The following PCDHA1 variants were observed in gnomAD, a reference collection of about 807,000 sequenced individuals.
The protein encoded by PCDHA1 is protocadherin alpha-1.
A neutral mutation model predicts 61.3 loss-of-function variants in PCDHA1; 42 were observed. The observed-to-expected ratio is 0.69, with a 90% CI of 0.54 to 0.89. PCDHA1 has a LOEUF of 0.89. PCDHA1 is among the 40% of genes least tolerant of loss of function. The pLI is 0.00. For synonymous variants in PCDHA1, 610 were observed against 553.8 expected, an observed-to-expected ratio of 1.10 and a Z score of -1.43; for missense variants, 1,256 against 1,235.3, an observed-to-expected ratio of 1.02 and a Z score of -0.25.
At chr5:140,907,857 G>C (rs1554193158) in intron 1 of PCDHA1, among the ~76,000 whole-genome samples, 1 of 152,210 alleles carries the variant, frequency 6.6e-6, no homozygotes, top group Non-Finnish European at 1.5e-5. Flanking sequence ...CTCTGCTGAG[G>C]CCAGCCGTTG....
chr5:140,957,717 A>G (rs2095377934), intron 1 of PCDHA1, among the ~76,000 whole-genome samples: 1 of 152,166 alleles, frequency 6.6e-6, no homozygotes, highest in African/African-American at 2.4e-5. Context: ...TTATTAAGAA[A>G]GAAGCAGAAT....
At chr5:140,871,833 T>G (rs2053334975) in intron 1 of PCDHA1, among the ~76,000 whole-genome samples, 1 of 152,282 alleles carries the variant, frequency 6.6e-6, no homozygotes, top group African/African-American at 2.4e-5. Flanking sequence ...CCTTCATCTC[T>G]AAACTTCAAT....
chr5:140,967,508 C>G (rs2096150874), intron 1 of PCDHA1: 2 of 1,612,712 alleles, frequency 1.2e-6, no homozygotes, highest in Non-Finnish European at 1.7e-6. Flanking sequence ...TGTGCGTGTC[C>G]TGGACACTAA....
At position 140,900,792 on chromosome 5, in the gene PCDHA1, C is replaced by T. The variant is rs373914544; in HGVS notation, c.2395-78157C>T. On this transcript the variant is annotated intron_variant, in intron 1 of 3. Transcript: ENST00000504120. ...CTTTTTGAGGAAACTCCAAACTGTT[C>T]TCCATAGTGCTTGTACTAATTTACA... 1.1e-4 allele frequency among the ~76,000 whole-genome samples: 16 copies of T among 152,298 alleles called. No individual in the cohort carries two copies. The South Asian group carries it at 1.5e-3, about 14-fold the overall frequency.
rs2150256971 is a variant in PCDHA1, at chr5:140,836,289, G to A, written c.2394+47605G>A. 8.7e-6 allele frequency: 14 copies of A among 1,613,792 alleles called. No homozygotes were observed. The South Asian group carries it at 1.5e-4, about 18-fold the overall frequency. Reference sequence around the variant, plus strand: ...CACTGGTGAGATCAGCACGACACGAGCCCTAGATGAGACGGACGCACCGCG... The same window carrying A: ...CACTGGTGAGATCAGCACGACACGAACCCTAGATGAGACGGACGCACCGCG... On this transcript the variant is annotated intron_variant, in intron 1 of 3. Coordinates refer to ENST00000504120, the MANE Select transcript of PCDHA1 (RefSeq NM_018900.4).
At chr5:140,924,725 C>G (rs1015635507) in intron 1 of PCDHA1, among the ~76,000 whole-genome samples, 1 of 151,698 alleles carries the variant, frequency 6.6e-6, no homozygotes, top group East Asian at 1.9e-4. Context: ...CGAAACCTCA[C>G]CTCTAATAAA....
At position 140,887,996 on chromosome 5, in the gene PCDHA1, AAT is replaced by A. The variant is rs1258672316; in HGVS notation, c.2395-90951_2395-90950del. 4.6e-5 allele frequency among the ~76,000 whole-genome samples: 7 copies of A among 152,330 alleles called. No individual in the cohort carries two copies. In the East Asian group the frequency reaches 7.7e-4, roughly 17 times the overall value. ...AAATTTATTTTACATGTCTCCACCGAATAGTCATCTTTTTATCTATATGTTTG... is the reference window on the plus strand; with the variant it reads ...AAATTTATTTTACATGTCTCCACCGAAGTCATCTTTTTATCTATATGTTTG... On this transcript the variant is annotated intron_variant, in intron 1 of 3. Coordinates refer to ENST00000504120, the MANE Select transcript of PCDHA1 (RefSeq NM_018900.4).
chr5:140,829,574 G>A (rs2150170425), intron 1 of PCDHA1: 4 of 1,612,448 alleles, frequency 2.5e-6, no homozygotes, highest in Non-Finnish European at 3.4e-6. Context: ...CTACTCGCTG[G>A]TGGAGCGGCG....
At chr5:140,995,132 A>G (rs2097665905) in intron 3 of PCDHA1, among the ~76,000 whole-genome samples, 1 of 152,222 alleles carries the variant, frequency 6.6e-6, no homozygotes, top group African/African-American at 2.4e-5. Flanking sequence ...CTGAAACCTC[A>G]TTTAGTACTG....
In PCDHA1 at chr5:140,858,087, G is replaced by A. The variant is rs782702941; in HGVS notation, c.2394+69403G>A. On this transcript the variant is annotated intron_variant, in intron 1 of 3. Coordinates refer to ENST00000504120, the MANE Select transcript of PCDHA1 (RefSeq NM_018900.4). Reference sequence around the variant, plus strand: ...AGCCAGGCACCCAAGGCCTCGTCGCGGGCTTCAGTGGGCGTGGCGCCCGAG... The same window carrying A: ...AGCCAGGCACCCAAGGCCTCGTCGCAGGCTTCAGTGGGCGTGGCGCCCGAG... The A allele has an allele frequency of 4.1e-5, 66 of 1,597,710 alleles. 5 individuals carry two copies. Among genetic ancestry groups the A allele is most frequent in the Non-Finnish European group, 5.3e-5 (62 of 1,167,710 alleles).
chr5:140,858,703 T>C lies in PCDHA1; in HGVS notation c.2394+70019T>C, dbSNP rs918251691. 1.1e-5 allele frequency: 6 copies of C among 560,482 alleles called. 2 individuals carry two copies. The highest frequency in any genetic ancestry group is 1.8e-5 in the Non-Finnish European group (6 of 325,182). 34.7% of individuals were successfully genotyped at this position (560,482 alleles called of 1,614,324 possible). ...ACACTAATATTTTCCAATACAAATATGTGATATAGGTTGCAGTTCTGACGA... is the reference window on the plus strand; with the variant it reads ...ACACTAATATTTTCCAATACAAATACGTGATATAGGTTGCAGTTCTGACGA... On this transcript the variant is annotated intron_variant, in intron 1 of 3. Coordinates refer to ENST00000504120, the MANE Select transcript of PCDHA1 (RefSeq NM_018900.4).
chr5:140,927,611 C>T, intron 1 of PCDHA1: 1 of 1,614,164 alleles, frequency 6.2e-7, no homozygotes, highest in Admixed American at 1.7e-5. Context: ...GTATACCGCA[C>T]CAAGGTTCCA....
chr5:140,973,894 G>A (rs1161980569), intron 1 of PCDHA1, among the ~76,000 whole-genome samples: 1 of 152,194 alleles, frequency 6.6e-6, no homozygotes, highest in African/African-American at 2.4e-5. Flanking sequence ...ATTTGCAAAT[G>A]TTTGAGGAAA....
chr5:140,830,131 A>T (rs146220689), intron 1 of PCDHA1: 782 of 1,613,064 alleles, frequency 4.8e-4, no homozygotes, highest in Non-Finnish European at 6.4e-4. Context: ...AGGCGTCATC[A>T]CGGGCGTCGG....
At chr5:140,879,740 T>C (rs1337276853) in intron 1 of PCDHA1, among the ~76,000 whole-genome samples, 5 of 152,200 alleles carry the variant, frequency 3.3e-5, no homozygotes, top group Admixed American at 1.3e-4. Flanking sequence ...ATCAAGGTGT[T>C]GTCAAGGCTA....
chr5:140,788,536 C>G lies in PCDHA1; in HGVS notation c.2246C>G (p.Ser749Trp), dbSNP rs782539814. The G allele has an allele frequency of 1.2e-6, 2 of 1,614,046 alleles. No homozygotes were observed. The highest frequency in any genetic ancestry group is 1.7e-6 in the Non-Finnish European group (2 of 1,179,940). Residue 749 changes from serine to tryptophan, a missense_variant, in exon 1 of 4, where the codon TCG becomes TGG. Physicochemically the swap from Ser to Trp is radical, Grantham distance 177 (BLOSUM62 -3). Coordinates refer to ENST00000504120, the MANE Select transcript of PCDHA1 (RefSeq NM_018900.4). ...TGCTCCAGCGCGTTGGGGAGCTGGT[C>G]GAACTCACAGCAGAGGCGGCAGAGG... ...LVCSSALGSW[S>W]NSQQRRQRVC...
intron 1 of PCDHA1, chr5:140,968,888 CTAA>C: frequency 6.2e-7 from 1 of 1,614,210 alleles, no homozygotes; most frequent in Non-Finnish European, 8.5e-7. Context: ...TACCCTTTAT[CTAA>C]TAATAGCATT....
At chr5:140,893,104 T>A (rs2063818844) in intron 1 of PCDHA1, among the ~76,000 whole-genome samples, 1 of 152,224 alleles carries the variant, frequency 6.6e-6, no homozygotes, top group South Asian at 2.1e-4. Flanking sequence ...TGGATAATAT[T>A]CCGTTGTGCA....
chr5:140,933,772 C>T, intron 1 of PCDHA1, among the ~76,000 whole-genome samples: 1 of 152,176 alleles, frequency 6.6e-6, no homozygotes, highest in African/African-American at 2.4e-5. Flanking sequence ...TCTGTACCTA[C>T]AGTTTTCTTT....
Sources: gnomAD v4.1 joint callset for allele counts (sites outside exome capture counted in the v4.1 genomes callset) on GRCh38, gnomAD v4.1.1 for gene constraint, MANE v1.5 for transcripts, NCBI Gene and HGNC (gene_info 2026-07-23, HGNC 2026-07-21) for gene names.